TMEM121: variants seen among roughly 807,000 people sequenced by gnomAD.
The protein encoded by TMEM121 is transmembrane protein 121, also known as transmembrane protein 121A.
A neutral mutation model predicts 16.4 loss-of-function variants in TMEM121; 8 were observed. That is an observed-to-expected ratio of 0.49 (90% CI 0.29 to 0.88). TMEM121 has a LOEUF of 0.88. TMEM121 is among the 40% of genes least tolerant of loss of function. The probability of loss-of-function intolerance (pLI) is 0.09; values close to 1 mark genes in which losing one functional copy is unlikely to be tolerated. For missense variants in TMEM121, 401 were observed against 462.0 expected (o/e 0.87, Z 1.21); for synonymous variants, 235 against 226.2 (o/e 1.04, Z -0.35).
chr14:105,529,586 G>A lies in TMEM121; in HGVS notation c.752G>A (p.Gly251Asp). The A allele has an allele frequency of 1.3e-6, 2 of 1,566,584 alleles. No homozygotes were observed. Among genetic ancestry groups the A allele is most frequent in the Non-Finnish European group, 8.6e-7 (1 of 1,163,706 alleles). ...AGCCGTGTCTCGGCCATCTTCGTCG[G>A]CAAAAACGTGGTGGCGCTCGCCACC... ...RDSRVSAIFVGKNVVALATKA... is the reference protein window; with the variant it reads ...RDSRVSAIFVDKNVVALATKA... The change falls in exon 2 of 2, where the codon GGC (glycine) becomes GAC (aspartate). Residue 251 changes from glycine to aspartate, a missense_variant. Transcript: ENST00000392519.
chr14:105,529,622 C>A lies in TMEM121; in HGVS notation c.788C>A (p.Thr263Asn). The A allele has an allele frequency of 1.3e-6, 2 of 1,580,836 alleles. No individual in the cohort carries two copies. Among genetic ancestry groups the A allele is most frequent in the Non-Finnish European group, 1.7e-6 (2 of 1,172,076 alleles). ...NVVALATKAC[T>N]FLEYRRQVRD... ...GTGGCGCTCGCCACCAAGGCCTGCACCTTCCTGGAGTACCGCCGCCAGGTG... is the reference window on the plus strand; with the variant it reads ...GTGGCGCTCGCCACCAAGGCCTGCAACTTCCTGGAGTACCGCCGCCAGGTG... Residue 263 changes from threonine to asparagine, a missense_variant, in exon 2 of 2, where the codon ACC (threonine) becomes AAC (asparagine). Transcript: ENST00000392519.
At chr14:105,528,613 G>C (rs1218844033) in intron 1 of TMEM121, 109 bp from the exon 2 acceptor site, 4 of 311,524 alleles carry the variant, frequency 1.3e-5, no homozygotes, top group East Asian at 8.4e-5. Context: ...TCGGGGCCCC[G>C]GCGCGGAGAC....
rs1384442820 is a variant in TMEM121 at position 105,526,723 on chromosome 14, C to G, written c.-114+70C>G. 1 of 145,678 alleles carries G rather than the reference C, an allele frequency of 6.9e-6. No individual in the cohort carries two copies. Among genetic ancestry groups the G allele is most frequent in the Non-Finnish European group, 1.5e-5 (1 of 66,416 alleles). 9.0% of individuals were successfully genotyped at this position (145,678 alleles called of 1,614,324 possible). On this transcript the variant is annotated intron_variant, in intron 1 of 1. Transcript: ENST00000392519. The surrounding 1 kb of genome is among the most constrained non-coding windows in gnomAD (Gnocchi z 6.8). ...CCGCGGAGGGGGCGGCGGGCCTGGGCGACCCTGCACCTCTGGGCCGTGGGG... is the reference window on the plus strand; with the variant it reads ...CCGCGGAGGGGGCGGCGGGCCTGGGGGACCCTGCACCTCTGGGCCGTGGGG...
In TMEM121 at chr14:105,529,131, G is replaced by T. The variant is rs782122861; in HGVS notation, c.297G>T (p.Ala99=). The change falls in exon 2 of 2, where the codon GCG becomes GCT. Residue 99 remains alanine (A), a synonymous_variant. Coordinates refer to ENST00000392519, the MANE Select transcript of TMEM121 (RefSeq NM_025268.4). ...KLYFIFQNYK[A]ARRGAADPVA... ...ACTTCATCTTCCAGAACTACAAGGC[G>T]GCGCGGCGCGGCGCGGCGGACCCCG... The T allele has an allele frequency of 1.2e-6, 2 of 1,601,876 alleles. No homozygotes were observed. Among genetic ancestry groups the T allele is most frequent in the Admixed American group, 3.4e-5 (2 of 59,068 alleles).
Position 105,526,884 on chromosome 14 carries a change from G to A in TMEM121, c.-114+231G>A, listed in dbSNP as rs2084592274. 6.6e-6 allele frequency among the ~76,000 whole-genome samples: 1 copy of A among 152,116 alleles called. No individual in the cohort carries two copies. Among genetic ancestry groups the A allele is most frequent in the African/African-American group, 2.4e-5 (1 of 41,514 alleles). On this transcript the variant is annotated intron_variant, in intron 1 of 1. Coordinates refer to ENST00000392519, the MANE Select transcript of TMEM121 (RefSeq NM_025268.4). The surrounding 1 kb of genome is among the most constrained non-coding windows in gnomAD (Gnocchi z 6.8). ...GCCTGCTGGGAGCGGCCCAAGCTCT[G>A]CACCGGCCCGCGGCGGGAGCACAGC... is the stretch of plus-strand genomic sequence containing the variant.
In TMEM121 at chr14:105,529,242, C is replaced by T. The variant is rs1555444209; in HGVS notation, c.408C>T (p.Tyr136=). The T allele has an allele frequency of 6.4e-7, 1 of 1,563,232 alleles. No individual in the cohort carries two copies. ...LLLVALDRME[Y]VRTFRKREDL... ...TCGTGGCGCTGGACCGCATGGAGTA[C>T]GTGCGCACCTTCCGCAAGCGCGAGG... is the stretch of plus-strand genomic sequence containing the variant. Residue 136 remains tyrosine (Y), a synonymous_variant, in exon 2 of 2, where the codon TAC becomes TAT. Coordinates refer to ENST00000392519, the MANE Select transcript of TMEM121 (RefSeq NM_025268.4).
intron 1 of TMEM121, among the ~76,000 whole-genome samples, chr14:105,527,835 G>A (rs2084601422): frequency 1.3e-5 from 2 of 151,996 alleles, no homozygotes; most frequent in South Asian, 2.1e-4. Context: ...TTGTCACCCA[G>A]GTGTGCACAG....
In TMEM121 at chr14:105,529,247, G is replaced by A. The variant is rs781831993; in HGVS notation, c.413G>A (p.Arg138His). Residue 138 changes from arginine to histidine, a missense_variant, in exon 2 of 2, where the codon CGC becomes CAC. By Grantham distance (29) the Arg-to-His change is conservative. Transcript: ENST00000392519. Reference protein sequence around the residue: ...LVALDRMEYVRTFRKREDLRG... With the variant: ...LVALDRMEYVHTFRKREDLRG... The stretch of plus-strand genomic sequence containing the variant: ...GCGCTGGACCGCATGGAGTACGTGC[G>A]CACCTTCCGCAAGCGCGAGGACCTG... 6.4e-7 allele frequency: 1 copy of A among 1,557,932 alleles called. No homozygotes were observed. Among genetic ancestry groups the A allele is most frequent in the African/African-American group, 1.4e-5 (1 of 73,724 alleles).
Position 105,528,794 on chromosome 14 carries a change from TG to T in TMEM121, c.-36del, listed in dbSNP as rs2084610949. The stretch of plus-strand genomic sequence containing the variant: ...CCGCAGGGCCTCGTCCCGCCAGGCG[TG>T]GGGGCCGCGCGCGCCCAGGCCGGGG... On this transcript the variant is annotated 5_prime_UTR_variant, in exon 2 of 2. Transcript: ENST00000392519. 1 of 1,341,284 alleles carries T rather than the reference TG, an allele frequency of 7.5e-7. No homozygotes were observed. Among genetic ancestry groups the T allele is most frequent in the Middle Eastern group, 2.8e-4 (1 of 3,512 alleles). 83.1% of individuals were successfully genotyped at this position (1,341,284 alleles called of 1,614,324 possible). A position where few individuals can be genotyped will look rare whatever the true frequency, so the allele number is the denominator to read the frequency against.
rs868960019 is a variant in TMEM121, at chr14:105,528,339, T to G, written c.-113-383T>G. On this transcript the variant is annotated intron_variant, in intron 1 of 1. Coordinates refer to ENST00000392519, the MANE Select transcript of TMEM121 (RefSeq NM_025268.4). Reference sequence around the variant, plus strand: ...GGCGGGGAGAGGGTATTCCCGGAACTCCGCGGAAACGGCCTGAGGCCAGCA... The same window carrying G: ...GGCGGGGAGAGGGTATTCCCGGAACGCCGCGGAAACGGCCTGAGGCCAGCA... 1.5e-4 allele frequency among the ~76,000 whole-genome samples: 23 copies of G among 148,938 alleles called. No homozygotes were observed. The Middle Eastern group carries it at 0.01, about 66-fold the overall frequency.
Position 105,529,702 on chromosome 14 carries a change from C to G in TMEM121, c.868C>G (p.Arg290Gly), listed in dbSNP as rs782012812. ...SLELQPPPPQ[R>G]NSVPPPPPPL... is the part of the protein sequence containing the mutation. ...GGAGCTGCAGCCGCCACCCCCGCAG[C>G]GCAACTCGGTGCCGCCGCCGCCGCC... is the stretch of plus-strand genomic sequence containing the variant. Residue 290 changes from arginine (R) to glycine (G), a missense_variant, in exon 2 of 2, where the codon CGC (arginine) becomes GGC (glycine). Coordinates refer to ENST00000392519, the MANE Select transcript of TMEM121 (RefSeq NM_025268.4). The G allele has an allele frequency of 3.9e-6, 6 of 1,533,564 alleles. No individual in the cohort carries two copies. The highest frequency in any genetic ancestry group is 4.9e-5 in the East Asian group (2 of 40,692). 95.0% of individuals were successfully genotyped at this position (1,533,564 alleles called of 1,614,324 possible). A position where few individuals can be genotyped will look rare whatever the true frequency, so the allele number is the denominator to read the frequency against.
chr14:105,528,823 C>T lies in TMEM121; in HGVS notation c.-12C>T. On this transcript the variant is annotated 5_prime_UTR_variant, in exon 2 of 2. Coordinates refer to ENST00000392519, the MANE Select transcript of TMEM121 (RefSeq NM_025268.4). ...GGCCGCGCGCGCCCAGGCCGGGGCC[C>T]GGCGGCCGACCATGGTGCTGCCGCC... 4 of 1,473,308 alleles carry T rather than the reference C, an allele frequency of 2.7e-6. No homozygotes were observed. The highest frequency in any genetic ancestry group is 2.7e-6 in the Non-Finnish European group (3 of 1,114,958). The allele number at this position is 1,473,308 out of a possible 1,614,324, so 91.3% of individuals were successfully genotyped here.
chr14:105,527,626 C>G (rs1460392614), intron 1 of TMEM121, among the ~76,000 whole-genome samples: 1 of 151,972 alleles, frequency 6.6e-6, no homozygotes, highest in Non-Finnish European at 1.5e-5. Context: ...GAGTTCAACG[C>G]TTTCCCGGAT....
rs782261136 is a variant in TMEM121, at chr14:105,529,645, G to A, written c.811G>A (p.Val271Met). Reference sequence around the variant, plus strand: ...CACCTTCCTGGAGTACCGCCGCCAGGTGCGCGACTTCCCGCCGCCTGCGCT... The same window carrying A: ...CACCTTCCTGGAGTACCGCCGCCAGATGCGCGACTTCCCGCCGCCTGCGCT... ...ACTFLEYRRQ[V>M]RDFPPPALSL... The change falls in exon 2 of 2, where the codon GTG becomes ATG. Residue 271 changes from valine (V) to methionine (M), a missense_variant. Coordinates refer to ENST00000392519, the MANE Select transcript of TMEM121 (RefSeq NM_025268.4). 2 of 1,578,798 alleles carry A rather than the reference G, an allele frequency of 1.3e-6. No homozygotes were observed. The highest frequency in any genetic ancestry group is 1.7e-6 in the Non-Finnish European group (2 of 1,171,250).
Position 105,529,962 on chromosome 14 carries a change from G to A in TMEM121, c.*168G>A. ...CGCTTCTTCATCTCAGGAATCTCTC[G>A]GACCGCGGATCCTCAGCCCCCGCTC... is the stretch of plus-strand genomic sequence containing the variant. On this transcript the variant is annotated 3_prime_UTR_variant, in exon 2 of 2. Coordinates refer to ENST00000392519, the MANE Select transcript of TMEM121 (RefSeq NM_025268.4). The A allele has an allele frequency of 1.5e-6, 1 of 657,262 alleles. No homozygotes were observed. The highest frequency in any genetic ancestry group is 2.9e-5 in the South Asian group (1 of 34,812). 40.7% of individuals were successfully genotyped at this position (657,262 alleles called of 1,614,324 possible). A position where few individuals can be genotyped will look rare whatever the true frequency, so the allele number is the denominator to read the frequency against.
At chr14:105,528,256 G>A (rs113442030) in intron 1 of TMEM121, among the ~76,000 whole-genome samples, 2 of 151,786 alleles carry the variant, frequency 1.3e-5, no homozygotes, top group Admixed American at 1.3e-4. Flanking sequence ...GGAGGGCCGA[G>A]GCCTCCTTGG....
At position 105,529,883 on chromosome 14, in the gene TMEM121, G is replaced by T; in HGVS notation, c.*89G>T. The T allele has an allele frequency of 7.8e-7, 1 of 1,278,962 alleles. No individual in the cohort carries two copies. 79.2% of individuals were successfully genotyped at this position (1,278,962 alleles called of 1,614,324 possible). On this transcript the variant is annotated 3_prime_UTR_variant, in exon 2 of 2. Transcript: ENST00000392519. ...GCGGTTTGCATGGGATGGGGTGGGG[G>T]CGGGCTCCCCTAGGGACAGGTGCCT...
Position 105,529,730 on chromosome 14 carries a change from C to T in TMEM121, c.896C>T (p.Pro299Leu), listed in dbSNP as rs1567087108. Residue 299 changes from proline to leucine, a missense_variant, in exon 2 of 2, where the codon CCG becomes CTG. Coordinates refer to ENST00000392519, the MANE Select transcript of TMEM121 (RefSeq NM_025268.4). Reference sequence around the variant, plus strand: ...AACTCGGTGCCGCCGCCGCCGCCGCCGCTGCACGGCCCGCCTGGGCGCCCC... The same window carrying T: ...AACTCGGTGCCGCCGCCGCCGCCGCTGCTGCACGGCCCGCCTGGGCGCCCC... Reference protein sequence around the residue: ...QRNSVPPPPPPLHGPPGRPHM... With the variant: ...QRNSVPPPPPLLHGPPGRPHM... The T allele has an allele frequency of 2.7e-6, 4 of 1,503,666 alleles. No individual in the cohort carries two copies. The highest frequency in any genetic ancestry group is 1.4e-5 in the African/African-American group (1 of 69,360). 93.1% of individuals were successfully genotyped at this position (1,503,666 alleles called of 1,614,324 possible). A position where few individuals can be genotyped will look rare whatever the true frequency, so the allele number is the denominator to read the frequency against.
chr14:105,527,233 G>T (rs1275083908), intron 1 of TMEM121: 1 of 152,320 alleles, frequency 6.6e-6, no homozygotes, highest in Non-Finnish European at 1.5e-5. Context: ...GAGCGACAGC[G>T]TAGTGGGGCG....
Sources: allele counts gnomAD v4.1 joint callset (sites outside exome capture counted in the v4.1 genomes callset), GRCh38; gene constraint gnomAD v4.1.1; non-coding constraint Gnocchi (gnomAD v3.1); transcripts MANE v1.5; gene names NCBI Gene and HGNC (gene_info 2026-07-23, HGNC 2026-07-21).